The following FABP6 variants were observed in gnomAD, a reference collection of about 807,000 sequenced individuals.
FABP6 encodes fatty acid binding protein 6.
FABP6 carries 13 observed loss-of-function variants against 14.9 expected under a neutral mutation model. The observed-to-expected ratio is 0.87, with a 90% confidence interval of 0.57 to 1.39. The LOEUF (loss-of-function observed/expected upper bound fraction) is 1.39, where lower values mean the gene tolerates loss of function less well. FABP6 is among the 40% of genes most tolerant of loss of function. The probability of loss-of-function intolerance (pLI) is 0.00; values close to 1 mark genes in which losing one functional copy is unlikely to be tolerated. For synonymous variants in FABP6, 75 were observed against 63.6 expected (o/e 1.18, Z -0.85); for missense variants, 161 against 167.2 (o/e 0.96, Z 0.20).
chr5:160,202,640 C>G (rs1478095936), intron 2 of FABP6, among the ~76,000 whole-genome samples: 4 of 151,056 alleles, frequency 2.6e-5, no homozygotes, highest in Non-Finnish European at 5.9e-5. Flanking sequence ...ACTAAAAATA[C>G]AAAAAAAAGA....
intron 3 of FABP6, among the ~76,000 whole-genome samples, chr5:160,221,100 A>AG (rs1324666712): frequency 6.6e-6 from 1 of 151,636 alleles, no homozygotes; most frequent in East Asian, 1.9e-4. Flanking sequence ...AAAAAAAAAA[A>AG]AAAAAAAAGA....
At chr5:160,232,047 CA>C (rs1486375389) in intron 1 of FABP6, 50 bp from the exon 2 acceptor site, 3 of 1,594,016 alleles carry the variant, frequency 1.9e-6, no homozygotes, top group Non-Finnish European at 2.6e-6. Context: ...TCCCAAACCA[CA>C]GGGTTAAAAG....
chr5:160,236,653 C>T (rs1414768897), intron 3 of FABP6, among the ~76,000 whole-genome samples: 2 of 152,012 alleles, frequency 1.3e-5, no homozygotes, highest in African/African-American at 2.4e-5. Flanking sequence ...GTCTTTTTAT[C>T]CCCCTTTAAC....
chr5:160,202,516 G>T (rs964092243), intron 2 of FABP6, among the ~76,000 whole-genome samples: 2 of 152,126 alleles, frequency 1.3e-5, no homozygotes, highest in African/African-American at 4.8e-5. Context: ...AACTGGCTTG[G>T]CCGGGCGTGG....
upstream of FABP6, among the ~76,000 whole-genome samples, chr5:160,225,163 G>A (rs1760216116): frequency 6.6e-6 from 1 of 150,700 alleles, no homozygotes. Context: ...GTGGTGTGAT[G>A]TCGGCTCACT....
chr5:160,225,119 T>C (rs1304218398), upstream of FABP6, among the ~76,000 whole-genome samples: 2 of 150,946 alleles, frequency 1.3e-5, no homozygotes, highest in Non-Finnish European at 2.9e-5. Context: ...TTTTTTGAGA[T>C]GAAGTCTCAC....
At chr5:160,207,606 A>G (rs541930354) in intron 2 of FABP6, among the ~76,000 whole-genome samples, 1 of 152,332 alleles carries the variant, frequency 6.6e-6, no homozygotes, top group Admixed American at 6.5e-5. Flanking sequence ...CCCATTTTGG[A>G]TAAAATGTTT....
chr5:160,219,756 C>A (rs1176680486), intron 3 of FABP6, among the ~76,000 whole-genome samples: 1 of 152,138 alleles, frequency 6.6e-6, no homozygotes, highest in African/African-American at 2.4e-5. Flanking sequence ...CCTGGAGAAG[C>A]CACTTGGTCC....
intron 3 of FABP6, among the ~76,000 whole-genome samples, chr5:160,223,576 C>T (rs948493342): frequency 2.6e-5 from 4 of 151,570 alleles, no homozygotes; most frequent in Admixed American, 6.6e-5. Flanking sequence ...CACACGCCAC[C>T]ACACTTGGCT....
chr5:160,196,265 C>G (rs185633062), intron 1 of FABP6, among the ~76,000 whole-genome samples: 202 of 152,334 alleles, frequency 1.3e-3, no homozygotes, highest in African/African-American at 4.8e-3. Flanking sequence ...CCCCTTCTGC[C>G]AGGTCTAGCC....
chr5:160,205,479 A>G (rs1029011719), intron 2 of FABP6, among the ~76,000 whole-genome samples: 1 of 151,938 alleles, frequency 6.6e-6, no homozygotes, highest in African/African-American at 2.4e-5. Context: ...TTCCTGATGA[A>G]CTCTGTCAGA....
chr5:160,234,018 T>C (rs1289373617), intron 2 of FABP6, among the ~76,000 whole-genome samples: 1 of 152,064 alleles, frequency 6.6e-6, no homozygotes, highest in Non-Finnish European at 1.5e-5. Context: ...TGGTGACCCA[T>C]GTGGAGTTCT....
rs201115928 is a variant in FABP6, at chr5:160,232,260, G to A, written c.230G>A (p.Gly77Asp). The A allele has an allele frequency of 6.2e-6, 10 of 1,607,522 alleles. No individual in the cohort carries two copies. The African/African-American group carries it at 9.4e-5, about 15-fold the overall frequency. ...GAAAGCAACATACAGACAATGGGGG[G>A]CAAGACGTTCAAGGTGAGAGGCCAC... ...GKESNIQTMG[G>D]KTFKATVQME... The change falls in exon 2 of 4, where the codon GGC becomes GAC. Residue 77 changes from glycine (G) to aspartate (D), a missense_variant. Transcript: ENST00000402432.
At position 160,232,270 on chromosome 5, in the gene FABP6, CA is replaced by C; in HGVS notation, c.242del (p.Lys81ArgfsTer13). On this transcript the variant is annotated frameshift_variant and splice_region_variant, in exon 2 of 4. Coordinates refer to ENST00000402432, the MANE Select transcript of FABP6 (RefSeq NM_001445.3). LOFTEE classifies it high-confidence loss of function. ...TACAGACAATGGGGGGCAAGACGTTCAAGGTGAGAGGCCACTGGCTGTCCCC... is the reference window on the plus strand; with the variant it reads ...TACAGACAATGGGGGGCAAGACGTTCAGGTGAGAGGCCACTGGCTGTCCCC... ...NIQTMGGKTF[K>X]ATVQMEGGKL... is the part of the protein sequence containing the mutation. 1 of 1,602,200 alleles carries C rather than the reference CA, an allele frequency of 6.2e-7. No homozygotes were observed. Among genetic ancestry groups the C allele is most frequent in the East Asian group, 2.3e-5 (1 of 44,116 alleles).
At position 160,219,398 on chromosome 5, in the gene FABP6, G is replaced by T. The variant is rs186688580; in HGVS notation, c.135+5579G>T. Among the ~76,000 whole-genome samples, 66 of 152,244 alleles carry T rather than the reference G, an allele frequency of 4.3e-4. 1 individual carries two copies. In the East Asian group the frequency reaches 0.012, roughly 27 times the overall value. On this transcript the variant is annotated intron_variant, in intron 3 of 6. Transcript: ENST00000393980. ...TCTATTGGGGTATAGTTGTTCTATTGGTTCTATTGCCTCATAAAACTTCAC... is the reference window on the plus strand; with the variant it reads ...TCTATTGGGGTATAGTTGTTCTATTTGTTCTATTGCCTCATAAAACTTCAC...
intron 2 of FABP6, among the ~76,000 whole-genome samples, chr5:160,209,602 T>C (rs148175595): frequency 6.6e-6 from 1 of 152,334 alleles, no homozygotes; most frequent in East Asian, 1.9e-4. Context: ...ACCGTCTTGG[T>C]ATTCTACAGA....
At chr5:160,218,663 G>A (rs1337841066) in intron 3 of FABP6, among the ~76,000 whole-genome samples, 1 of 151,578 alleles carries the variant, frequency 6.6e-6, no homozygotes, top group Non-Finnish European at 1.5e-5. Context: ...GTTTCGCCAT[G>A]TTGGTTAGGG....
intron 3 of FABP6, among the ~76,000 whole-genome samples, chr5:160,220,809 C>T (rs1042221938): frequency 2.0e-5 from 3 of 151,800 alleles, no homozygotes; most frequent in Non-Finnish European, 2.9e-5. Flanking sequence ...GAGGACAGAC[C>T]GGGCGCCGTG....
Position 160,232,309 on chromosome 5 carries a change from G to A in FABP6, c.243+36G>A, listed in dbSNP as rs200090981. 17 of 1,541,736 alleles carry A rather than the reference G, an allele frequency of 1.1e-5. No homozygotes were observed. In the East Asian group the frequency reaches 1.2e-4, roughly 11 times the overall value. ...ACTGGCTGTCCCCCTCCTTCCCCAG[G>A]CCTCCATCTGACTTCTCCTTCTCAA... On this transcript the variant is annotated intron_variant, in intron 2 of 3. Coordinates refer to ENST00000402432, the MANE Select transcript of FABP6 (RefSeq NM_001445.3).
Sources: gnomAD v4.1 joint callset for allele counts (sites outside exome capture counted in the v4.1 genomes callset) on GRCh38, gnomAD v4.1.1 for gene constraint, MANE v1.5 for transcripts, NCBI Gene and HGNC (gene_info 2026-07-23, HGNC 2026-07-21) for gene names.